CLTCL1: variants seen among roughly 807,000 people sequenced by gnomAD.
CLTCL1 encodes the protein clathrin heavy chain like 1, also known as clathrin heavy chain 2.
In CLTCL1, 159 loss-of-function variants were observed where a neutral mutation model predicts 190.0. The ratio of observed to expected loss-of-function variants is 0.84; its 90% CI spans 0.74 to 0.95. The LOEUF is 0.95. Ranked by LOEUF, CLTCL1 falls within the 40% of genes least tolerant of loss-of-function variation. CLTCL1 has a pLI of 0.00. For synonymous variants in CLTCL1, 752 were observed against 769.6 expected (o/e 0.98, Z 0.38); for missense variants, 1,878 against 2,033.4 (o/e 0.92, Z 1.47).
At chr22:19,271,777 CTGTTT>C (rs782614913) in intron 2 of CLTCL1, among the ~76,000 whole-genome samples, 6 of 152,242 alleles carry the variant, frequency 3.9e-5, no homozygotes, top group Non-Finnish European at 7.4e-5. Flanking sequence ...AGACCTCTGT[CTGTTT>C]TGTTTTGTTT....
chr22:19,290,655 T>C (rs1397197777), intron 1 of CLTCL1, among the ~76,000 whole-genome samples: 1 of 152,150 alleles, frequency 6.6e-6, no homozygotes, highest in African/African-American at 2.4e-5. Context: ...CCCAAGGCTT[T>C]TCCCGTCTGC....
chr22:19,233,238 A>G lies in CLTCL1; in HGVS notation c.1449T>C (p.Asn483=). ...AACACTGGATCACTTTGCTTGGCAC[A>G]TTTGCCCGAAGGTACACACTCAGAG... The part of the protein sequence containing the change: ...MLALSVYLRA[N]VPSKVIQCFA... Residue 483 remains asparagine, a synonymous_variant, in exon 9 of 33, where the codon AAT becomes AAC. Coordinates refer to ENST00000427926, the MANE Select transcript of CLTCL1 (RefSeq NM_007098.4). The G allele has an allele frequency of 1.2e-6, 2 of 1,614,006 alleles. No homozygotes were observed. The highest frequency in any genetic ancestry group is 3.3e-4 in the Middle Eastern group (2 of 6,062).
intron 3 of CLTCL1, among the ~76,000 whole-genome samples, chr22:19,247,663 C>T (rs539478792): frequency 1.3e-3 from 199 of 152,010 alleles, no homozygotes; most frequent in African/African-American, 4.1e-3. Context: ...TGGGTTCAGG[C>T]GATTCTCCCG....
chr22:19,210,923 G>A (rs1274732511), intron 19 of CLTCL1, among the ~76,000 whole-genome samples: 9 of 151,866 alleles, frequency 5.9e-5, no homozygotes, highest in South Asian at 2.1e-4. Flanking sequence ...ATTTTGAGAC[G>A]GGGTCTTGCT....
chr22:19,207,398 C>T (rs545028760), intron 22 of CLTCL1: 4 of 394,200 alleles, frequency 1.0e-5, no homozygotes, highest in Admixed American at 4.4e-5. Context: ...GTAAACAGAA[C>T]GCCTGGATGT....
At chr22:19,240,473 G>C (rs1183111940) in intron 4 of CLTCL1, among the ~76,000 whole-genome samples, 1 of 152,088 alleles carries the variant, frequency 6.6e-6, no homozygotes, top group Non-Finnish European at 1.5e-5. Flanking sequence ...AGATAAGGAG[G>C]GGAGCAGCAC....
chr22:19,212,558 TGAAAGAAAGAGAAAGAAA>T (rs1205258374), intron 19 of CLTCL1, among the ~76,000 whole-genome samples: 61 of 117,212 alleles, frequency 5.2e-4, no homozygotes, highest in East Asian at 1.3e-3. Flanking sequence ...GAGACCCTAT[TGAAAGAAAGAGAAAGAAA>T]GAAAGAAAGA....
At chr22:19,195,750 T>C (rs1475416287) in intron 26 of CLTCL1, among the ~76,000 whole-genome samples, 5 of 152,002 alleles carry the variant, frequency 3.3e-5, no homozygotes, top group Admixed American at 1.3e-4. Context: ...CCCAACAGTG[T>C]GGCTGCTGAC....
In CLTCL1 at chr22:19,222,756, G is replaced by T; in HGVS notation, c.2346C>A (p.Gly782=). Residue 782 remains glycine, a synonymous_variant, in exon 15 of 33, where the codon GGC becomes GGA. Coordinates refer to ENST00000427926, the MANE Select transcript of CLTCL1 (RefSeq NM_007098.4). ...AATATAGGACAAGGTCATGGACAAA[G>T]CCAAAACGATCACACACGATGATGA... ...LPLIIVCDRF[G]FVHDLVLYLY... is the part of the protein sequence containing the mutation. The T allele has an allele frequency of 6.2e-7, 1 of 1,600,864 alleles. No individual in the cohort carries two copies. The highest frequency in any genetic ancestry group is 8.5e-7 in the Non-Finnish European group (1 of 1,173,702).
intron 3 of CLTCL1, among the ~76,000 whole-genome samples, chr22:19,250,349 T>A (rs201509978): frequency 6.8e-5 from 10 of 147,510 alleles, no homozygotes; most frequent in African/African-American, 1.5e-4. Context: ...TTTTTTTTTT[T>A]AATTTTAGAG....
Position 19,191,359 on chromosome 22 carries a change from A to C in CLTCL1, c.4268T>G (p.Leu1423Arg). 1 of 1,614,062 alleles carries C rather than the reference A, an allele frequency of 6.2e-7. No individual in the cohort carries two copies. The highest frequency in any genetic ancestry group is 1.1e-5 in the South Asian group (1 of 91,084). The change falls in exon 27 of 33, where the codon CTG becomes CGG. Residue 1423 changes from leucine to arginine, a missense_variant. Leu to Arg is a moderately radical substitution (Grantham distance 102, BLOSUM62 -2). Transcript: ENST00000427926. The stretch of plus-strand genomic sequence containing the variant: ...GTCCAGCCGGGGTGAAAGCACCAGC[A>C]GCAGGTCATTGATGAGCAGTGGTTT... ...DYKPLLINDL[L>R]LVLSPRLDHT...
At chr22:19,185,866 A>C (rs2084299718) in intron 29 of CLTCL1, among the ~76,000 whole-genome samples, 1 of 152,200 alleles carries the variant, frequency 6.6e-6, no homozygotes, top group South Asian at 2.1e-4. Flanking sequence ...GGTGCGTCTG[A>C]GCCCAGCTGT....
At chr22:19,232,834 C>G in intron 9 of CLTCL1, 1 of 622,330 alleles carries the variant, frequency 1.6e-6, no homozygotes, top group Non-Finnish European at 2.6e-6. Flanking sequence ...GTTTCCTGAT[C>G]TGTGTGCAAA....
intron 27 of CLTCL1, among the ~76,000 whole-genome samples, chr22:19,190,870 C>T (rs2084478197): frequency 2.0e-5 from 3 of 151,830 alleles, no homozygotes; most frequent in Middle Eastern, 3.2e-3. Context: ...CTGTGCCTCC[C>T]GGGTTCACGC....
rs2085110376 is a variant in CLTCL1 at position 19,208,189 on chromosome 22, A to C, written c.3565T>G (p.Phe1189Val). 1.2e-6 allele frequency: 2 copies of C among 1,613,832 alleles called. No homozygotes were observed. Among genetic ancestry groups the C allele is most frequent in the East Asian group, 2.2e-5 (1 of 44,876 alleles). The change falls in exon 22 of 33, where the codon TTT becomes GTT. Residue 1189 changes from phenylalanine to valine, a missense_variant. Physicochemically the swap from Phe to Val is conservative, Grantham distance 50. Coordinates refer to ENST00000427926, the MANE Select transcript of CLTCL1 (RefSeq NM_007098.4). ...KTSRVSELED[F>V]INGPNNAHIQ... ...TGGGCATTGTTGGGTCCATTAATAA[A>C]ATCTTCTAGCTCAGAAACACGGCTG...
chr22:19,245,293 A>C (rs1244066954), intron 3 of CLTCL1, among the ~76,000 whole-genome samples: 1 of 149,196 alleles, frequency 6.7e-6, no homozygotes, highest in African/African-American at 2.5e-5. Flanking sequence ...TCCTGGGTTC[A>C]AACGATTCTC....
At position 19,188,008 on chromosome 22, in the gene CLTCL1, G is replaced by A. The variant is rs2084369959; in HGVS notation, c.4407C>T (p.His1469=). The stretch of plus-strand genomic sequence containing the variant: ...GATAGTCCTCCTCCTCTGTCAGCAG[G>A]TGGTTGAGTGCCTCATTCACACTCT... The part of the protein sequence containing the change: ...NNKSVNEALN[H]LLTEEEDYQG... The change falls in exon 28 of 33, where the codon CAC becomes CAT. Residue 1469 remains histidine (H), a synonymous_variant. Transcript: ENST00000427926. The A allele has an allele frequency of 6.2e-7, 1 of 1,614,036 alleles. No individual in the cohort carries two copies. Among genetic ancestry groups the A allele is most frequent in the East Asian group, 2.2e-5 (1 of 44,884 alleles).
Position 19,180,591 on chromosome 22 carries a change from C to G in CLTCL1, c.4903+140G>C, listed in dbSNP as rs144103862. ...ATTCCTGGGCGTACACTTCTCCACA[C>G]CCAGTAGCCACTGGGATCCTTCCAG... On this transcript the variant is annotated intron_variant, in intron 31 of 32. Coordinates refer to ENST00000427926, the MANE Select transcript of CLTCL1 (RefSeq NM_007098.4). 1.4e-3 allele frequency: 1,109 copies of G among 777,858 alleles called. 11 individuals are homozygous for G. The African/African-American group carries it at 0.016, about 11-fold the overall frequency. The allele number at this position is 777,858 out of a possible 1,614,324, so 48.2% of individuals were successfully genotyped here. A position where few individuals can be genotyped will look rare whatever the true frequency, so the allele number is the denominator to read the frequency against.
intron 2 of CLTCL1, chr22:19,258,123 C>G (rs964527606): frequency 7.6e-6 from 3 of 392,742 alleles, no homozygotes; most frequent in Non-Finnish European, 1.5e-5. Context: ...TAGATGAAGA[C>G]AAAGATTGAG....
Sources: allele counts gnomAD v4.1 joint callset (sites outside exome capture counted in the v4.1 genomes callset), GRCh38; gene constraint gnomAD v4.1.1; transcripts MANE v1.5; gene names NCBI Gene and HGNC (gene_info 2026-07-23, HGNC 2026-07-21).